LPP: variants seen among roughly 807,000 people sequenced by gnomAD.
The protein encoded by LPP is LIM domain containing preferred translocation partner in lipoma.
In LPP, 38 loss-of-function variants were observed where a neutral mutation model predicts 60.4. That is an observed-to-expected ratio of 0.63 (90% CI 0.49 to 0.83). The LOEUF is 0.83. Among genes scored for constraint, LPP ranks in the 40% least tolerant of loss-of-function variants. The probability of loss-of-function intolerance (pLI) is 0.00; values close to 1 mark genes in which losing one functional copy is unlikely to be tolerated. For missense variants in LPP, 902 were observed against 783.6 expected (o/e 1.15, Z -1.80); for synonymous variants, 328 against 290.8 (o/e 1.13, Z -1.30).
At chr3:188,253,344 T>C (rs758061994) in intron 2 of LPP, among the ~76,000 whole-genome samples, 3 of 152,240 alleles carry the variant, frequency 2.0e-5, no homozygotes, top group Non-Finnish European at 2.9e-5. Context: ...CCGTGTTATC[T>C]GCATGTTATC....
intron 6 of LPP, among the ~76,000 whole-genome samples, chr3:188,561,028 C>A (rs1830549698): frequency 6.6e-6 from 1 of 152,026 alleles, no homozygotes; most frequent in African/African-American, 2.4e-5. Context: ...CAGGTCCTGG[C>A]CTGAATGTAA....
rs1265050223 is a variant in LPP at position 188,889,006 on chromosome 3, G to T, written c.*14527G>T. On this transcript the variant is annotated 3_prime_UTR_variant, in exon 12 of 12. Coordinates refer to ENST00000617246, the MANE Select transcript of LPP (RefSeq NM_001375462.1). ...AGCCGTAGTCTGTATTAGGATGTGT[G>T]TCATATGTGTGTTCTATAAACTAAG... is the stretch of plus-strand genomic sequence containing the variant. 1 of 218,944 alleles carries T rather than the reference G, an allele frequency of 4.6e-6. No homozygotes were observed. The highest frequency in any genetic ancestry group is 9.2e-6 in the Non-Finnish European group (1 of 109,114). 13.6% of individuals were successfully genotyped at this position (218,944 alleles called of 1,614,324 possible). A position where few individuals can be genotyped will look rare whatever the true frequency, so the allele number is the denominator to read the frequency against.
intron 9 of LPP, among the ~76,000 whole-genome samples, chr3:188,770,360 T>TG (rs1560181890): frequency 6.9e-6 from 1 of 145,466 alleles, no homozygotes; most frequent in Non-Finnish European, 1.5e-5. Context: ...TTTTTTTTTT[T>TG]TTTTTGTATT....
intron 4 of LPP, among the ~76,000 whole-genome samples, chr3:188,424,345 T>C (rs925590729): frequency 1.3e-5 from 2 of 152,218 alleles, no homozygotes; most frequent in Non-Finnish European, 2.9e-5. Flanking sequence ...CCATGCTGTT[T>C]TGGTTACTGT....
intron 7 of LPP, among the ~76,000 whole-genome samples, chr3:188,636,667 C>T (rs1389485426): frequency 6.6e-6 from 1 of 152,104 alleles, no homozygotes; most frequent in Non-Finnish European, 1.5e-5. Flanking sequence ...TGTCTGACAG[C>T]TTTGAAGAGA....
chr3:188,305,843 C>T (rs548844936), intron 2 of LPP, among the ~76,000 whole-genome samples: 2 of 152,088 alleles, frequency 1.3e-5, no homozygotes, highest in Admixed American at 6.6e-5. Context: ...TGTAAATTAA[C>T]GGTGTTCTTT....
chr3:188,520,326 C>T (rs142196964), intron 5 of LPP, among the ~76,000 whole-genome samples: 5 of 152,310 alleles, frequency 3.3e-5, no homozygotes, highest in Admixed American at 1.3e-4. Context: ...GCTGCTACAG[C>T]GATCAGCTCT....
At chr3:188,509,872 T>C (rs13084116) in intron 5 of LPP, among the ~76,000 whole-genome samples, 1,955 of 49,518 alleles carry the variant, frequency 0.039, 11 homozygotes, top group East Asian at 0.19. Flanking sequence ...TTTTTTTTGT[T>C]GTTTTTTTTT....
chr3:188,769,502 C>T (rs1735187110), intron 9 of LPP, among the ~76,000 whole-genome samples: 1 of 152,164 alleles, frequency 6.6e-6, no homozygotes. Context: ...TGAACATAAC[C>T]CTTTCTTCCC....
intron 4 of LPP, among the ~76,000 whole-genome samples, chr3:188,483,875 T>A (rs954574509): frequency 1.3e-5 from 2 of 152,230 alleles, no homozygotes; most frequent in African/African-American, 4.8e-5. Flanking sequence ...TTCTCAGAAA[T>A]CCTTGGTGGA....
At chr3:188,723,495 C>T (rs1345731998) in intron 8 of LPP, among the ~76,000 whole-genome samples, 1 of 151,992 alleles carries the variant, frequency 6.6e-6, no homozygotes, top group African/African-American at 2.4e-5. Flanking sequence ...GAGACTGGAC[C>T]CTCTATTGAA....
At chr3:188,628,877 T>C (rs1847344154) in intron 7 of LPP, among the ~76,000 whole-genome samples, 1 of 152,124 alleles carries the variant, frequency 6.6e-6, no homozygotes, top group South Asian at 2.1e-4. Flanking sequence ...GCAAATTGAA[T>C]CCAGCAGCAC....
chr3:188,204,536 T>G (rs1170598520), intron 1 of LPP, among the ~76,000 whole-genome samples: 1 of 152,190 alleles, frequency 6.6e-6, no homozygotes, highest in Non-Finnish European at 1.5e-5. Context: ...ATAATAACAA[T>G]GGCAATATTT....
At chr3:188,265,798 G>C (rs1473114191) in intron 2 of LPP, among the ~76,000 whole-genome samples, 2 of 151,380 alleles carry the variant, frequency 1.3e-5, no homozygotes. Context: ...AATGTTGGAG[G>C]CTTCTTTTTT....
chr3:188,326,269 AG>A (rs1393533782), intron 2 of LPP, among the ~76,000 whole-genome samples: 3 of 152,242 alleles, frequency 2.0e-5, no homozygotes, highest in Non-Finnish European at 4.4e-5. Flanking sequence ...TTATGGACTC[AG>A]CCAGCAGTAA....
At chr3:188,348,760 T>C (rs575565205) in intron 3 of LPP, among the ~76,000 whole-genome samples, 1 of 152,340 alleles carries the variant, frequency 6.6e-6, no homozygotes, top group South Asian at 2.1e-4. Context: ...TGCTCATTAG[T>C]GTTTGAGAAA....
intron 6 of LPP, among the ~76,000 whole-genome samples, chr3:188,598,582 A>C (rs1406855453): frequency 6.6e-6 from 1 of 152,178 alleles, no homozygotes; most frequent in Non-Finnish European, 1.5e-5. Context: ...GTTAACCTTG[A>C]AACATAACTG....
chr3:188,566,570 TCTCC>T (rs1832222227), intron 6 of LPP, among the ~76,000 whole-genome samples: 1 of 151,816 alleles, frequency 6.6e-6, no homozygotes, highest in Non-Finnish European at 1.5e-5. Flanking sequence ...TCCTCCCAAC[TCTCC>T]CTCCAACATT....
rs150433351 is a variant in LPP at position 188,292,081 on chromosome 3, A to C, written c.-66-49582A>C. On this transcript the variant is annotated intron_variant, in intron 2 of 11. Transcript: ENST00000617246. ...CAAGTTTAAACAGCAATGAGTCTCT[A>C]GGACCTTCGGTTAAACCAGCATGTG... Among the ~76,000 whole-genome samples the C allele has an allele frequency of 8.4e-4, 128 of 152,372 alleles. 1 individual carries two copies. The East Asian group carries it at 0.017, about 20-fold the overall frequency.
Sources: gnomAD v4.1 joint callset for allele counts (sites outside exome capture counted in the v4.1 genomes callset) on GRCh38, gnomAD v4.1.1 for gene constraint, MANE v1.5 for transcripts, NCBI Gene and HGNC (gene_info 2026-07-23, HGNC 2026-07-21) for gene names.